The following UBR3 variants were observed in gnomAD, a reference collection of about 807,000 sequenced individuals.
UBR3 encodes the protein E3 ubiquitin-protein ligase UBR3.
A neutral mutation model predicts 243.2 loss-of-function variants in UBR3; 85 were observed. That is an observed-to-expected ratio of 0.35 (90% confidence interval 0.29 to 0.42). The LOEUF (loss-of-function observed/expected upper bound fraction) is 0.42. UBR3 is among the 10% of genes least tolerant of loss of function. The pLI, the probability that UBR3 is intolerant of heterozygous loss-of-function variation, is 1.00. For missense variants in UBR3, 1,686 were observed against 2,300.8 expected (o/e 0.73, Z 5.47); for synonymous variants, 748 against 799.8 (o/e 0.94, Z 1.09).
At chr2:169,969,622 C>T (rs911042963) in intron 24 of UBR3, among the ~76,000 whole-genome samples, 1 of 149,710 alleles carries the variant, frequency 6.7e-6, no homozygotes, top group Non-Finnish European at 1.5e-5. Flanking sequence ...AATCTCGGCT[C>T]ACTGCAAGCT....
chr2:169,827,462 T>C lies in UBR3; in HGVS notation c.-46T>C. The C allele has an allele frequency of 7.4e-6, 9 of 1,217,780 alleles. No homozygotes were observed. Among genetic ancestry groups the C allele is most frequent in the East Asian group, 6.5e-5 (2 of 30,638 alleles). The allele number at this position is 1,217,780 out of a possible 1,614,324, so 75.4% of individuals were successfully genotyped here. On this transcript the variant is annotated 5_prime_UTR_variant, in exon 1 of 39. Transcript: ENST00000272793. ...CAGCAGTCTATTCCCTCACTCTCCC[T>C]GGAGGAGCCGCTGGCCCTGGACTCT...
At chr2:170,056,881 TCTC>T (rs1248903239) in intron 33 of UBR3, among the ~76,000 whole-genome samples, 2 of 152,126 alleles carry the variant, frequency 1.3e-5, no homozygotes, top group Non-Finnish European at 2.9e-5. Context: ...ACAAGGCCAA[TCTC>T]CTGCTACTAA....
At chr2:170,033,499 G>A (rs1308780897) in intron 31 of UBR3, among the ~76,000 whole-genome samples, 2 of 145,990 alleles carry the variant, frequency 1.4e-5, no homozygotes, top group African/African-American at 5.1e-5. Context: ...CAGAGCCTAA[G>A]TTTTAACTAT....
intron 8 of UBR3, among the ~76,000 whole-genome samples, chr2:169,903,744 G>A (rs548995668): frequency 6.6e-6 from 1 of 152,220 alleles, no homozygotes; most frequent in South Asian, 2.1e-4. Flanking sequence ...ATATGAGCCG[G>A]GTGTGGTGGC....
chr2:170,024,371 AAAAAG>A (rs1391406698), intron 30 of UBR3, among the ~76,000 whole-genome samples: 6 of 151,326 alleles, frequency 4.0e-5, no homozygotes, highest in Non-Finnish European at 7.4e-5. Context: ...AAAAAAAAAA[AAAAAG>A]AGAAAAGAAA....
intron 10 of UBR3, among the ~76,000 whole-genome samples, chr2:169,908,541 A>G (rs1457369659): frequency 6.6e-6 from 1 of 152,180 alleles, no homozygotes; most frequent in Non-Finnish European, 1.5e-5. Context: ...TTGGTACTGA[A>G]CCAAATAGAT....
At chr2:170,027,788 TA>T (rs765523737) in intron 30 of UBR3, among the ~76,000 whole-genome samples, 2 of 151,958 alleles carry the variant, frequency 1.3e-5, no homozygotes, top group Non-Finnish European at 2.9e-5. Context: ...CTCATATGTA[TA>T]ATTGAATTGA....
chr2:170,059,353 T>G (rs1392251288), intron 33 of UBR3, among the ~76,000 whole-genome samples: 4 of 152,182 alleles, frequency 2.6e-5, no homozygotes, highest in Non-Finnish European at 4.4e-5. Context: ...TCTTTGAATC[T>G]TTTACTCAGA....
intron 5 of UBR3, among the ~76,000 whole-genome samples, chr2:169,882,292 GTATATTTATGTATATTA>G (rs2083910726): frequency 7.6e-6 from 1 of 131,358 alleles, no homozygotes; most frequent in Non-Finnish European, 1.6e-5. Flanking sequence ...TTTATATATT[GTATATTTATGTATATTA>G]TATATTTATA....
intron 24 of UBR3, among the ~76,000 whole-genome samples, chr2:169,969,548 C>CTTTTTTTTT (rs199918460): frequency 3.0e-5 from 4 of 134,186 alleles, no homozygotes; most frequent in Non-Finnish European, 3.2e-5. Flanking sequence ...CCATTTGTGT[C>CTTTTTTTTT]TTTTTTTTTT....
chr2:169,854,337 A>G (rs554593793), intron 1 of UBR3, among the ~76,000 whole-genome samples: 3 of 151,132 alleles, frequency 2.0e-5, no homozygotes, highest in Middle Eastern at 6.8e-3. Context: ...CTGTTAATGC[A>G]TTACCATAGT....
At chr2:170,019,614 G>A (rs568060059) in intron 30 of UBR3, among the ~76,000 whole-genome samples, 2 of 152,256 alleles carry the variant, frequency 1.3e-5, no homozygotes, top group South Asian at 4.1e-4. Flanking sequence ...AAGCCCAGAA[G>A]GTGGAGGCTG....
chr2:169,952,178 G>A (rs2087062750), intron 23 of UBR3, among the ~76,000 whole-genome samples: 1 of 152,100 alleles, frequency 6.6e-6, no homozygotes, highest in African/African-American at 2.4e-5. Context: ...AACATTAAAG[G>A]GAATGACTGA....
At chr2:169,957,882 T>C (rs553660775) in intron 23 of UBR3, among the ~76,000 whole-genome samples, 2 of 152,342 alleles carry the variant, frequency 1.3e-5, no homozygotes, top group South Asian at 2.1e-4. Context: ...TCTTTTACTT[T>C]ATACAAAATA....
chr2:169,927,732 A>T (rs1240313189), intron 17 of UBR3, among the ~76,000 whole-genome samples: 1 of 152,192 alleles, frequency 6.6e-6, no homozygotes. Context: ...AGCTAGGTCC[A>T]TTTTGTCTGT....
intron 11 of UBR3, 110 bp from the exon 12 acceptor site, chr2:169,923,819 T>G (rs1381321576): frequency 4.2e-6 from 4 of 942,312 alleles, no homozygotes; most frequent in Non-Finnish European, 6.1e-6. Flanking sequence ...AGTTTTGAAC[T>G]AAAAGTATAG....
chr2:170,069,673 C>T (rs1411369238), intron 35 of UBR3, among the ~76,000 whole-genome samples: 2 of 151,948 alleles, frequency 1.3e-5, no homozygotes, highest in Non-Finnish European at 2.9e-5. Context: ...GTATTTGTCT[C>T]TCTGTGACTG....
intron 31 of UBR3, among the ~76,000 whole-genome samples, chr2:170,033,672 A>T (rs942081039): frequency 7.1e-6 from 1 of 140,288 alleles, no homozygotes; most frequent in African/African-American, 2.7e-5. Flanking sequence ...TGTCATCTAT[A>T]TTTCATATTT....
intron 1 of UBR3, among the ~76,000 whole-genome samples, chr2:169,870,981 G>T (rs1482919679): frequency 6.6e-6 from 1 of 150,574 alleles, no homozygotes; most frequent in Admixed American, 6.6e-5. Context: ...AAAAAAAAAA[G>T]ATCAATTTTT....
Sources: allele counts gnomAD v4.1 joint callset (sites outside exome capture counted in the v4.1 genomes callset), GRCh38; gene constraint gnomAD v4.1.1; transcripts MANE v1.5; gene names NCBI Gene and HGNC (gene_info 2026-07-23, HGNC 2026-07-21).